Variants in TUT7 observed in about 807,000 individuals in gnomAD.
The protein encoded by TUT7 is terminal uridylyltransferase 7.
TUT7 carries 33 observed loss-of-function variants against 165.9 expected under a neutral mutation model. The observed-to-expected ratio is 0.20, with a 90% CI of 0.15 to 0.27. The LOEUF is 0.27. TUT7 is among the 10% of genes least tolerant of loss of function. The pLI, the probability that TUT7 is intolerant of heterozygous loss-of-function variation, is 1.00. For synonymous variants in TUT7, 552 were observed against 608.1 expected (o/e 0.91, Z 1.36); for missense variants, 1,338 against 1,762.3 (o/e 0.76, Z 4.31).
At chr9:86,321,652 C>T (rs1247219828) in intron 14 of TUT7, among the ~76,000 whole-genome samples, 1 of 151,970 alleles carries the variant, frequency 6.6e-6, no homozygotes, top group African/African-American at 2.4e-5. Flanking sequence ...TTGCTTGAGT[C>T]CAGGAGTTAG....
chr9:86,345,710 G>C lies in TUT7; in HGVS notation c.778C>G (p.His260Asp). 6.2e-7 allele frequency: 1 copy of C among 1,613,632 alleles called. No individual in the cohort carries two copies. The highest frequency in any genetic ancestry group is 1.6e-4 in the Middle Eastern group (1 of 6,062). ...TGCCTCTTTTCCTTGATATGCTTAT[G>C]GGCAAATGCAATGGATTCAATTAAA... Reference protein sequence around the residue: ...DVLIESIAFAHKHIKEKRHKK... With the variant: ...DVLIESIAFADKHIKEKRHKK... The change falls in exon 4 of 27, where the codon CAT (histidine) becomes GAT (aspartate). Residue 260 changes from histidine to aspartate, a missense_variant. Physicochemically the swap from His to Asp is moderately conservative, Grantham distance 81. Coordinates refer to ENST00000375963, the MANE Select transcript of TUT7 (RefSeq NM_024617.4).
intron 10 of TUT7, among the ~76,000 whole-genome samples, chr9:86,333,775 A>AT (rs369923452): frequency 6.2e-4 from 95 of 152,152 alleles, no homozygotes; most frequent in African/African-American, 1.9e-3. Flanking sequence ...ATGCTTTGTA[A>AT]TTTTTTGTTG....
chr9:86,346,389 G>A lies in TUT7; in HGVS notation c.612C>T (p.Ile204=), dbSNP rs1306363284. The change falls in exon 3 of 27, where the codon ATC becomes ATT. Residue 204 remains isoleucine, a synonymous_variant. Transcript: ENST00000375963. ...EQDGDLEGPV[I]DESVLSTKEL... is the part of the protein sequence containing the mutation. ...CCTTCGTTGAAAGTACAGACTCATC[G>A]ATCACAGGGCCTTCCAAGTCTCCAT... The A allele has an allele frequency of 1.9e-6, 3 of 1,613,932 alleles. No homozygotes were observed. The highest frequency in any genetic ancestry group is 2.2e-5 in the East Asian group (1 of 44,888).
rs750511674 is a variant in TUT7, at chr9:86,301,245, G to A, written c.4420+31C>T. ...AGCAGATTTCCCTTGAGATGTTAGA[G>A]CAAACATCAAGGTGTGATAGGTGTC... On this transcript the variant is annotated intron_variant, in intron 26 of 26. Coordinates refer to ENST00000375963, the MANE Select transcript of TUT7 (RefSeq NM_024617.4). 3.2e-6 allele frequency: 5 copies of A among 1,558,518 alleles called. No homozygotes were observed. The African/African-American group carries it at 5.5e-5, about 17-fold the overall frequency.
At chr9:86,308,739 A>G in intron 21 of TUT7, 133 bp from the exon 22 acceptor site, 1 of 704,626 alleles carries the variant, frequency 1.4e-6, no homozygotes. Context: ...CTTTTCTTTC[A>G]TATTTAAAAA....
Position 86,299,387 on chromosome 9 carries a change from TTG to T in TUT7, c.4420+1887_4420+1888del, listed in dbSNP as rs553252115. ...TGTGACAGAAGCTCCACTCAGTATA[TTG>T]TGTGGACAAAGGAGCAATATATCTG... On this transcript the variant is annotated intron_variant, in intron 26 of 26. Transcript: ENST00000375963. 1.8e-3 allele frequency among the ~76,000 whole-genome samples: 267 copies of T among 152,268 alleles called. 1 individual carries two copies. Among genetic ancestry groups the T allele is most frequent in the African/African-American group, 6.2e-3 (259 of 41,566 alleles).
At chr9:86,325,283 G>C in intron 12 of TUT7, 51 bp downstream of exon 12, 2 of 1,559,436 alleles carry the variant, frequency 1.3e-6, no homozygotes, top group Non-Finnish European at 1.8e-6. Flanking sequence ...TGTTAGACTG[G>C]TACCTTTAAA....
At chr9:86,326,925 A>G (rs1466321348) in intron 11 of TUT7, among the ~76,000 whole-genome samples, 3 of 152,232 alleles carry the variant, frequency 2.0e-5, no homozygotes, top group Admixed American at 2.0e-4. Context: ...AGCTTTTCCT[A>G]TAATTCACAC....
chr9:86,288,614 C>G lies in TUT7; in HGVS notation c.*63G>C. The G allele has an allele frequency of 7.7e-7, 1 of 1,301,344 alleles. No individual in the cohort carries two copies. Among genetic ancestry groups the G allele is most frequent in the Non-Finnish European group, 1.1e-6 (1 of 898,952 alleles). 80.6% of individuals were successfully genotyped at this position (1,301,344 alleles called of 1,614,324 possible). ...ACACTGCTGTGTCCTGTGAAATGAA[C>G]CTAATTTTCCGAGTGAATAGGAACG... On this transcript the variant is annotated 3_prime_UTR_variant, in exon 27 of 27. Transcript: ENST00000375963.
In TUT7 at chr9:86,345,046, T is replaced by G; in HGVS notation, c.928A>C (p.Asn310His). ...TCCAGCCTCTGTTCCAAGTTCTCAT[T>G]GTGTAAGCCAAATTCCTGTACCACT... The part of the protein sequence containing the change: ...DKVVQEFGLH[N>H]ENLEQRLEIK... Residue 310 changes from asparagine to histidine, a missense_variant, in exon 5 of 27, where the codon AAT (asparagine) becomes CAT (histidine). Asn to His is a moderately conservative substitution (Grantham distance 68, BLOSUM62 1). Coordinates refer to ENST00000375963, the MANE Select transcript of TUT7 (RefSeq NM_024617.4). 3.7e-6 allele frequency: 6 copies of G among 1,613,818 alleles called. No individual in the cohort carries two copies. The Middle Eastern group carries it at 9.9e-4, about 266-fold the overall frequency.
chr9:86,335,063 C>A (rs1182645003), intron 10 of TUT7, among the ~76,000 whole-genome samples: 2 of 152,152 alleles, frequency 1.3e-5, no homozygotes, highest in Non-Finnish European at 2.9e-5. Flanking sequence ...CACTTCCACA[C>A]CATAAGTGGA....
intron 14 of TUT7, among the ~76,000 whole-genome samples, chr9:86,320,734 C>T (rs917058597): frequency 2.6e-5 from 4 of 152,206 alleles, no homozygotes; most frequent in East Asian, 3.9e-4. Flanking sequence ...AGGCAACTTT[C>T]GGCCCCTCAC....
At chr9:86,330,504 T>C (rs964521529) in intron 10 of TUT7, among the ~76,000 whole-genome samples, 2 of 152,266 alleles carry the variant, frequency 1.3e-5, no homozygotes, top group Non-Finnish European at 2.9e-5. Flanking sequence ...ATTTCTTGGT[T>C]GGATGTATGT....
Position 86,318,851 on chromosome 9 carries a change from TATATGGTATGCCCTGATAA to T in TUT7, c.3216+88_3216+106del, listed in dbSNP as rs1234962493. 4.0e-5 allele frequency: 31 copies of T among 776,710 alleles called. 1 individual carries two copies. The highest frequency in any genetic ancestry group is 6.3e-5 in the Non-Finnish European group (30 of 474,102). The allele number at this position is 776,710 out of a possible 1,614,324, so 48.1% of individuals were successfully genotyped here. A position where few individuals can be genotyped will look rare whatever the true frequency, so the allele number is the denominator to read the frequency against. ...AGAGACTGTGCCAAACAGCACACTC[TATATGGTATGCCCTGATAA>T]ATTTGGAAAATACCAAGCTGTAATG... On this transcript the variant is annotated intron_variant, in intron 16 of 26. Coordinates refer to ENST00000375963, the MANE Select transcript of TUT7 (RefSeq NM_024617.4).
At position 86,331,801 on chromosome 9, in the gene TUT7, T is replaced by C. The variant is rs574491792; in HGVS notation, c.1456-3309A>G. Among the ~76,000 whole-genome samples, 42 of 152,336 alleles carry C rather than the reference T, an allele frequency of 2.8e-4. No individual in the cohort carries two copies. The South Asian group carries it at 8.5e-3, about 31-fold the overall frequency. ...AAACTGAAGAATTTTTGCATAGCCC[T>C]ATCAACAGAGTAAACAGACAACCTA... On this transcript the variant is annotated intron_variant, in intron 10 of 26. Transcript: ENST00000375963.
At chr9:86,348,753 A>AAAAC (rs914267889) in intron 2 of TUT7, among the ~76,000 whole-genome samples, 1 of 152,110 alleles carries the variant, frequency 6.6e-6, no homozygotes, top group Non-Finnish European at 1.5e-5. Flanking sequence ...CTCTGTCTAA[A>AAAAC]AAACAAACAA....
rs1484468983 is a variant in TUT7 at position 86,310,823 on chromosome 9, TA to T, written c.3275-15del. The T allele has an allele frequency of 2.1e-6, 3 of 1,440,006 alleles. No individual in the cohort carries two copies. The highest frequency in any genetic ancestry group is 2.0e-6 in the Non-Finnish European group (2 of 1,022,208). 89.2% of individuals were successfully genotyped at this position (1,440,006 alleles called of 1,614,324 possible). ...TGTTTCTCAGACCTAAGTTGGGAAA[TA>T]AAATGTTATCATTAAATACAGCAGC... On this transcript the variant is annotated splice_polypyrimidine_tract_variant and intron_variant, in intron 17 of 26. Coordinates refer to ENST00000375963, the MANE Select transcript of TUT7 (RefSeq NM_024617.4).
At position 86,309,154 on chromosome 9, in the gene TUT7, T is replaced by C. The variant is rs77058280; in HGVS notation, c.3660+58A>G. 4,758 of 1,026,616 alleles carry C rather than the reference T, an allele frequency of 4.6e-3. 118 individuals are homozygous for C. The East Asian group carries it at 0.064, about 14-fold the overall frequency. 63.6% of individuals were successfully genotyped at this position (1,026,616 alleles called of 1,614,324 possible). A position where few individuals can be genotyped will look rare whatever the true frequency, so the allele number is the denominator to read the frequency against. ...AAATAGTTGTTGAACATCTACACTG[T>C]AGTATAGCTAATTTTTAGTCAAGGA... On this transcript the variant is annotated intron_variant, in intron 21 of 26. Coordinates refer to ENST00000375963, the MANE Select transcript of TUT7 (RefSeq NM_024617.4).
Position 86,288,668 on chromosome 9 carries a change from T to C in TUT7, c.*9A>G. ...GAGTGGCCATTTAGAGTGCTGCATT[T>C]TCCTTCCCTCATGATTCCTGCTGGG... On this transcript the variant is annotated 3_prime_UTR_variant, in exon 27 of 27. Coordinates refer to ENST00000375963, the MANE Select transcript of TUT7 (RefSeq NM_024617.4). 1 of 1,613,144 alleles carries C rather than the reference T, an allele frequency of 6.2e-7. No homozygotes were observed. Among genetic ancestry groups the C allele is most frequent in the Non-Finnish European group, 8.5e-7 (1 of 1,179,250 alleles).
Sources: allele counts gnomAD v4.1 joint callset (sites outside exome capture counted in the v4.1 genomes callset), GRCh38; gene constraint gnomAD v4.1.1; transcripts MANE v1.5; gene names NCBI Gene and HGNC (gene_info 2026-07-23, HGNC 2026-07-21).